The following NPAT variants were observed in gnomAD, a reference collection of about 807,000 sequenced individuals.
The protein encoded by NPAT is nuclear protein, coactivator of histone transcription.
A neutral mutation model predicts 130.7 loss-of-function variants in NPAT; 52 were observed. The observed-to-expected ratio is 0.40, with a 90% confidence interval of 0.32 to 0.50. NPAT has a LOEUF of 0.50. Among genes scored for constraint, NPAT ranks in the 20% least tolerant of loss-of-function variants. The pLI, the probability that NPAT is intolerant of heterozygous loss-of-function variation, is 0.68. For synonymous variants in NPAT, 580 were observed against 584.8 expected (o/e 0.99, Z 0.12); for missense variants, 1,687 against 1,662.6 (o/e 1.01, Z -0.26).
chr11:108,180,644 G>A (rs531724009), intron 10 of NPAT, among the ~76,000 whole-genome samples: 5 of 152,264 alleles, frequency 3.3e-5, no homozygotes, highest in Admixed American at 2.6e-4. Context: ...ACATTAGAAA[G>A]CTTCCTCAAA....
intron 1 of NPAT, among the ~76,000 whole-genome samples, chr11:108,207,739 G>GA (rs2078343001): frequency 6.6e-6 from 1 of 152,156 alleles, no homozygotes; most frequent in Non-Finnish European, 1.5e-5. Flanking sequence ...CCTGGCCCCC[G>GA]AGAGTGCAGG....
At position 108,222,566 on chromosome 11, in the gene NPAT, G is replaced by A. The variant is rs768802463; in HGVS notation, c.-30C>T. On this transcript the variant is annotated 5_prime_UTR_variant, in exon 1 of 18. Transcript: ENST00000278612. ...AAAACCACAGCAGGAACCACAATAAGGAACAAGACTCAGGTTAAAGCAAAC... is the reference window on the plus strand; with the variant it reads ...AAAACCACAGCAGGAACCACAATAAAGAACAAGACTCAGGTTAAAGCAAAC... 10 of 1,613,322 alleles carry A rather than the reference G, an allele frequency of 6.2e-6. No homozygotes were observed. The highest frequency in any genetic ancestry group is 7.6e-6 in the Non-Finnish European group (9 of 1,179,566).
chr11:108,211,096 GTAATCCCAGCTACTCGGGAGGCTGGGACA>G (rs2078379485), intron 1 of NPAT, among the ~76,000 whole-genome samples: 1 of 152,084 alleles, frequency 6.6e-6, no homozygotes, highest in Non-Finnish European at 1.5e-5. Flanking sequence ...GTGTGTGCCT[GTAATCCCAGCTACTCGGGAGGCTGGGACA>G]GAATCGCTTG....
At chr11:108,198,556 CA>C (rs1204064571) in intron 1 of NPAT, among the ~76,000 whole-genome samples, 2 of 152,192 alleles carry the variant, frequency 1.3e-5, no homozygotes, top group Non-Finnish European at 2.9e-5. Flanking sequence ...AAGCCAAAGA[CA>C]GTCTGAAGCC....
rs2077809251 is a variant in NPAT at position 108,157,642 on chromosome 11, G to T, written c.*1300C>A. 6.6e-6 allele frequency: 1 copy of T among 151,978 alleles called. No homozygotes were observed. The highest frequency in any genetic ancestry group is 2.1e-4 in the South Asian group (1 of 4,824). 9.4% of individuals were successfully genotyped at this position (151,978 alleles called of 1,614,324 possible). A position where few individuals can be genotyped will look rare whatever the true frequency, so the allele number is the denominator to read the frequency against. ...GGCCCAGTACAAAAAAATGGTTGAG[G>T]AAAGTGACTCTTCAACAAAATATAC... is the stretch of plus-strand genomic sequence containing the variant. On this transcript the variant is annotated 3_prime_UTR_variant, in exon 18 of 18. Coordinates refer to ENST00000278612, the MANE Select transcript of NPAT (RefSeq NM_002519.3).
intron 15 of NPAT, among the ~76,000 whole-genome samples, chr11:108,168,223 T>C (rs1591387109): frequency 1.3e-5 from 2 of 152,284 alleles, no homozygotes; most frequent in Admixed American, 1.3e-4. Context: ...AAAGAAACTC[T>C]CATATGGGTT....
intron 1 of NPAT, among the ~76,000 whole-genome samples, chr11:108,204,445 T>G (rs1172252107): frequency 2.6e-5 from 4 of 152,244 alleles, no homozygotes; most frequent in Admixed American, 1.3e-4. Context: ...CCCTCTCATG[T>G]TGAGAGCTGT....
At chr11:108,216,441 A>G (rs955193177) in intron 1 of NPAT, among the ~76,000 whole-genome samples, 2 of 152,020 alleles carry the variant, frequency 1.3e-5, no homozygotes, top group Non-Finnish European at 2.9e-5. Context: ...ACAGATACAC[A>G]TGATATATAA....
Position 108,222,604 on chromosome 11 carries a change from C to A in NPAT, c.-68G>T, listed in dbSNP as rs2134927368. 7 of 1,563,104 alleles carry A rather than the reference C, an allele frequency of 4.5e-6. No homozygotes were observed. The highest frequency in any genetic ancestry group is 5.3e-6 in the Non-Finnish European group (6 of 1,138,714). ...GGTTAAAGCAAACACAGCGACAGCTCCTGCGCCGCATCTCCTGGTTCCAGT... is the reference window on the plus strand; with the variant it reads ...GGTTAAAGCAAACACAGCGACAGCTACTGCGCCGCATCTCCTGGTTCCAGT... On this transcript the variant is annotated 5_prime_UTR_variant, in exon 1 of 18. Coordinates refer to ENST00000278612, the MANE Select transcript of NPAT (RefSeq NM_002519.3).
intron 1 of NPAT, among the ~76,000 whole-genome samples, chr11:108,211,077 C>T (rs891763977): frequency 5.3e-5 from 8 of 151,952 alleles, no homozygotes; most frequent in Middle Eastern, 3.4e-3. Context: ...AAATTAGCTG[C>T]GCCTGGTGGT....
At chr11:108,182,642 T>C (rs2078068532) in intron 10 of NPAT, among the ~76,000 whole-genome samples, 1 of 152,168 alleles carries the variant, frequency 6.6e-6, no homozygotes, top group Non-Finnish European at 1.5e-5. Flanking sequence ...GGATTATAGG[T>C]GCATGCCACC....
chr11:108,208,299 A>C (rs796323753), intron 1 of NPAT: 33 of 331,126 alleles, frequency 1.0e-4, no homozygotes, highest in African/African-American at 6.9e-4. Flanking sequence ...AATGACAAAA[A>C]AGGTCAATCC....
At position 108,160,897 on chromosome 11, in the gene NPAT, T is replaced by C. The variant is rs761486605; in HGVS notation, c.4189A>G (p.Lys1397Glu). 7 of 1,613,732 alleles carry C rather than the reference T, an allele frequency of 4.3e-6. No individual in the cohort carries two copies. In the East Asian group the frequency reaches 1.6e-4, roughly 36 times the overall value. ...KNLTNSSIPM[K>E]KKKIKKKKLP... ...AAACTTGCCTTAATTTTCTTCTTTT[T>C]CATTGGTATTGATGAATTTGTAAGA... The change falls in exon 17 of 18, where the codon AAA (lysine) becomes GAA (glutamate). Residue 1397 changes from lysine (K) to glutamate (E), a missense_variant. Coordinates refer to ENST00000278612, the MANE Select transcript of NPAT (RefSeq NM_002519.3).
Position 108,173,518 on chromosome 11 carries a change from G to C in NPAT, c.1466C>G (p.Ser489Cys). Residue 489 changes from serine (S) to cysteine (C), a missense_variant, in exon 13 of 18, where the codon TCT (serine) becomes TGT (cysteine). Ser to Cys is a moderately radical substitution (Grantham distance 112). Coordinates refer to ENST00000278612, the MANE Select transcript of NPAT (RefSeq NM_002519.3). ...TEMAIGIEKNSLSSNVPSESQ... is the reference protein window; with the variant it reads ...TEMAIGIEKNCLSSNVPSESQ... Reference sequence around the variant, plus strand: ...TTCACTCGGTACATTTGAAGACAAAGAGTTCTTTTCAATCCCTATAGCCAT... The same window carrying C: ...TTCACTCGGTACATTTGAAGACAAACAGTTCTTTTCAATCCCTATAGCCAT... 6.2e-7 allele frequency: 1 copy of C among 1,614,140 alleles called. No individual in the cohort carries two copies. Among genetic ancestry groups the C allele is most frequent in the Admixed American group, 1.7e-5 (1 of 60,016 alleles).
At chr11:108,182,332 C>T (rs1373628506) in intron 10 of NPAT, among the ~76,000 whole-genome samples, 1 of 152,146 alleles carries the variant, frequency 6.6e-6, no homozygotes. Flanking sequence ...CCTGCACACC[C>T]TGGGTAGGCT....
Position 108,192,044 on chromosome 11 carries a change from A to G in NPAT, c.290+74T>C, listed in dbSNP as rs184674711. ...TGAGTGTTATATAAGTACACTGTGTAGGTCTTAAGAAGATTTAAACCCAAA... is the reference window on the plus strand; with the variant it reads ...TGAGTGTTATATAAGTACACTGTGTGGGTCTTAAGAAGATTTAAACCCAAA... On this transcript the variant is annotated intron_variant, in intron 4 of 17. Coordinates refer to ENST00000278612, the MANE Select transcript of NPAT (RefSeq NM_002519.3). 1.9e-4 allele frequency: 183 copies of G among 963,664 alleles called. 1 individual carries two copies. In the African/African-American group the frequency reaches 2.4e-3, roughly 13 times the overall value. The allele number at this position is 963,664 out of a possible 1,614,324, so 59.7% of individuals were successfully genotyped here.
At chr11:108,186,028 T>C (rs2078105008) in intron 8 of NPAT, among the ~76,000 whole-genome samples, 1 of 152,008 alleles carries the variant, frequency 6.6e-6, no homozygotes, top group South Asian at 2.1e-4. Context: ...GGCCAGTTTT[T>C]TTTTTTGAGA....
chr11:108,173,988 G>T lies in NPAT; in HGVS notation c.1133-137C>A, dbSNP rs1233184277. On this transcript the variant is annotated intron_variant, in intron 12 of 17. Coordinates refer to ENST00000278612, the MANE Select transcript of NPAT (RefSeq NM_002519.3). ...AGTAAGTGGAAGTCTGATACGCTGT[G>T]TTTCCCATTTACTGAGTATCAAAAA... 3 of 774,078 alleles carry T rather than the reference G, an allele frequency of 3.9e-6. No homozygotes were observed. The Admixed American group carries it at 6.1e-5, about 16-fold the overall frequency. 48.0% of individuals were successfully genotyped at this position (774,078 alleles called of 1,614,324 possible).
At chr11:108,197,523 C>T in intron 1 of NPAT, 103 bp from the exon 2 acceptor site, 1 of 807,312 alleles carries the variant, frequency 1.2e-6, no homozygotes, top group Non-Finnish European at 2.2e-6. Flanking sequence ...ACAATTGAAA[C>T]CTTAGGTGGA....
Sources: allele counts gnomAD v4.1 joint callset (sites outside exome capture counted in the v4.1 genomes callset), GRCh38; gene constraint gnomAD v4.1.1; transcripts MANE v1.5; gene names NCBI Gene and HGNC (gene_info 2026-07-23, HGNC 2026-07-21).